Variants in CWC27 observed in about 807,000 individuals in gnomAD.
CWC27 encodes CWC27 spliceosome associated cyclophilin, also known as spliceosome-associated protein CWC27 homolog.
In CWC27, 47 loss-of-function variants were observed where a neutral mutation model predicts 63.6. The observed-to-expected ratio is 0.74, with a 90% CI of 0.58 to 0.94. CWC27 has a LOEUF of 0.94. CWC27 is among the 40% of genes least tolerant of loss of function. The probability of loss-of-function intolerance (pLI) is 0.00; values close to 1 mark genes in which losing one functional copy is unlikely to be tolerated. For missense variants in CWC27, 495 were observed against 554.3 expected, an observed-to-expected ratio of 0.89 and a Z score of 1.07; for synonymous variants, 175 against 179.8, an observed-to-expected ratio of 0.97 and a Z score of 0.22.
chr5:64,796,339 C>T lies in CWC27; in HGVS notation c.670-3909C>T, dbSNP rs556710603. Among the ~76,000 whole-genome samples, 5 of 152,092 alleles carry T rather than the reference C, an allele frequency of 3.3e-5. No individual in the cohort carries two copies. The South Asian group carries it at 1.0e-3, about 32-fold the overall frequency. On this transcript the variant is annotated intron_variant, in intron 7 of 13. Transcript: ENST00000381070. ...TGGCTCTTGCAATTGTGGGAGCTGG[C>T]AATTCCAAAATATGTAGAGTAGGCC... is the stretch of plus-strand genomic sequence containing the variant.
chr5:64,950,394 T>G (rs976107739), intron 11 of CWC27, among the ~76,000 whole-genome samples: 1 of 151,972 alleles, frequency 6.6e-6, no homozygotes, highest in African/African-American at 2.4e-5. Flanking sequence ...CATGAAGTAT[T>G]AATTCATTAA....
chr5:64,953,693 TA>T (rs1309844951), intron 11 of CWC27, among the ~76,000 whole-genome samples: 1 of 152,226 alleles, frequency 6.6e-6, no homozygotes, highest in African/African-American at 2.4e-5. Context: ...TTTAAGTGTT[TA>T]TTTTTTTTCT....
At chr5:64,856,061 T>C (rs1173859100) in intron 10 of CWC27, among the ~76,000 whole-genome samples, 2 of 152,086 alleles carry the variant, frequency 1.3e-5, no homozygotes, top group Non-Finnish European at 2.9e-5. Flanking sequence ...GATCATTCTT[T>C]TTGGATGCAG....
chr5:64,867,963 GTTGTTGTTT>G (rs1746571850), intron 10 of CWC27, among the ~76,000 whole-genome samples: 1 of 151,698 alleles, frequency 6.6e-6, no homozygotes, highest in Non-Finnish European at 1.5e-5. Context: ...TGTTGTTGTT[GTTGTTGTTT>G]ATATTAGCTT....
chr5:64,792,324 C>T (rs1189108149), intron 7 of CWC27, among the ~76,000 whole-genome samples: 1 of 152,094 alleles, frequency 6.6e-6, no homozygotes, highest in Non-Finnish European at 1.5e-5. Flanking sequence ...CAGAGGAATT[C>T]ATACCAAGGA....
chr5:64,931,248 T>C (rs940085856), intron 11 of CWC27, among the ~76,000 whole-genome samples: 1 of 152,008 alleles, frequency 6.6e-6, no homozygotes, highest in African/African-American at 2.4e-5. Context: ...CCATAATATA[T>C]GCAACCTAGT....
Position 65,018,357 on chromosome 5 carries a change from G to A in CWC27, c.*36G>A, listed in dbSNP as rs759870862. 3.9e-6 allele frequency: 6 copies of A among 1,550,852 alleles called. No individual in the cohort carries two copies. The highest frequency in any genetic ancestry group is 1.3e-5 in the South Asian group (1 of 79,340). Reference sequence around the variant, plus strand: ...ATGATAACCAGAACTTGCTGGAAATGTGCCTACAATGGCCTTGTAACAGCC... The same window carrying A: ...ATGATAACCAGAACTTGCTGGAAATATGCCTACAATGGCCTTGTAACAGCC... On this transcript the variant is annotated 3_prime_UTR_variant, in exon 14 of 14. Transcript: ENST00000381070.
chr5:64,858,377 G>A (rs975244781), intron 10 of CWC27, among the ~76,000 whole-genome samples: 3 of 149,636 alleles, frequency 2.0e-5, no homozygotes, highest in Non-Finnish European at 4.4e-5. Context: ...CAGGAGAATG[G>A]CATGAACCCG....
intron 11 of CWC27, among the ~76,000 whole-genome samples, chr5:64,950,839 A>G (rs776192241): frequency 6.6e-6 from 1 of 151,858 alleles, no homozygotes; most frequent in Non-Finnish European, 1.5e-5. Flanking sequence ...GCTTTCTCAC[A>G]CTATAGTTTT....
intron 10 of CWC27, among the ~76,000 whole-genome samples, chr5:64,864,055 T>G (rs1163577302): frequency 4.6e-5 from 7 of 152,224 alleles, no homozygotes; most frequent in Non-Finnish European, 8.8e-5. Context: ...ATATGCTTCC[T>G]GTAGAAAAGC....
At chr5:64,771,611 A>T (rs1388300712) in intron 1 of CWC27, among the ~76,000 whole-genome samples, 1 of 152,214 alleles carries the variant, frequency 6.6e-6, no homozygotes. Flanking sequence ...CTTTCAAATG[A>T]TAGGGGTCTG....
intron 10 of CWC27, among the ~76,000 whole-genome samples, chr5:64,883,229 TC>T (rs1746988170): frequency 6.6e-6 from 1 of 152,070 alleles, no homozygotes; most frequent in Admixed American, 6.6e-5. Context: ...TTCCATGAGG[TC>T]CCTCCCACAA....
At chr5:64,970,425 G>A (rs1331618006) in intron 11 of CWC27, among the ~76,000 whole-genome samples, 4 of 151,766 alleles carry the variant, frequency 2.6e-5, no homozygotes, top group African/African-American at 4.8e-5. Flanking sequence ...TGCTAGCCAG[G>A]ATGGTCTCGA....
intron 12 of CWC27, among the ~76,000 whole-genome samples, chr5:64,974,575 T>C (rs764591405): frequency 2.6e-5 from 4 of 152,194 alleles, no homozygotes; most frequent in Non-Finnish European, 4.4e-5. Flanking sequence ...CACATGGGAA[T>C]TCTGGGAGAT....
At chr5:64,775,056 C>T (rs1459189) in intron 2 of CWC27, among the ~76,000 whole-genome samples, 86,656 of 151,982 alleles carry the variant, frequency 0.57, 25,312 homozygotes, top group East Asian at 0.86. Context: ...TACGCTTCTT[C>T]CTTTCATTCT....
chr5:64,991,585 G>A (rs914640077), intron 13 of CWC27, among the ~76,000 whole-genome samples: 4 of 152,166 alleles, frequency 2.6e-5, no homozygotes, highest in African/African-American at 4.8e-5. Flanking sequence ...AATTAGCTAG[G>A]TGTGGTGGTG....
At chr5:64,954,122 C>T (rs1434667348) in intron 11 of CWC27, among the ~76,000 whole-genome samples, 1 of 152,148 alleles carries the variant, frequency 6.6e-6, no homozygotes. Flanking sequence ...TCTCTGCCTT[C>T]GAGGAATTCA....
intron 13 of CWC27, among the ~76,000 whole-genome samples, chr5:65,000,654 C>A (rs1213880424): frequency 1.3e-5 from 2 of 152,042 alleles, no homozygotes; most frequent in South Asian, 2.1e-4. Flanking sequence ...GCATTTATTT[C>A]TGGGTTCTCT....
chr5:64,981,867 G>T (rs191273625), intron 13 of CWC27, among the ~76,000 whole-genome samples: 41 of 152,300 alleles, frequency 2.7e-4, no homozygotes, highest in Admixed American at 1.3e-3. Flanking sequence ...AAGTAGTCTT[G>T]TTCTTGGTTC....
Sources: gnomAD v4.1 joint callset for allele counts (sites outside exome capture counted in the v4.1 genomes callset) on GRCh38, gnomAD v4.1.1 for gene constraint, MANE v1.5 for transcripts, NCBI Gene and HGNC (gene_info 2026-07-23, HGNC 2026-07-21) for gene names.